The following OSCP1 variants were observed in gnomAD, a reference collection of about 807,000 sequenced individuals.
The protein encoded by OSCP1 is organic solute carrier partner 1.
OSCP1 carries 35 observed loss-of-function variants against 45.1 expected under a neutral mutation model. The observed-to-expected ratio is 0.78, with a 90% CI of 0.59 to 1.03. The LOEUF (loss-of-function observed/expected upper bound fraction) is 1.03, where lower values mean the gene tolerates loss of function less well. Among genes scored for constraint, OSCP1 ranks in the 50% least tolerant of loss-of-function variants. OSCP1 has a pLI of 0.00. For synonymous variants in OSCP1, 179 were observed against 180.1 expected (o/e 0.99, Z 0.05); for missense variants, 400 against 470.7 (o/e 0.85, Z 1.39).
chr1:36,418,850 C>A, intron 9 of OSCP1, 141 bp downstream of exon 9: 1 of 666,644 alleles, frequency 1.5e-6, no homozygotes, highest in South Asian at 2.2e-5. Context: ...ATTGCTTAAA[C>A]CTGGGAGGTG....
In OSCP1 at chr1:36,423,347, A is replaced by T; in HGVS notation, c.620+16T>A. 6.4e-7 allele frequency: 1 copy of T among 1,570,722 alleles called. No individual in the cohort carries two copies. ...TAGCACCCCAAACATAGCTCTGATCATTGTTGGGAATTCACCTGATGAGTC... is the reference window on the plus strand; with the variant it reads ...TAGCACCCCAAACATAGCTCTGATCTTTGTTGGGAATTCACCTGATGAGTC... On this transcript the variant is annotated intron_variant, in intron 5 of 9. Transcript: ENST00000235532.
chr1:36,420,398 G>A lies in OSCP1; in HGVS notation c.959+78C>T, dbSNP rs578218832. On this transcript the variant is annotated intron_variant, in intron 8 of 9. Transcript: ENST00000235532. ...TACACAAATATTTATAAGTGCCACT[G>A]GTTTGTAATAGTCATTTTGTGTTCT... is the stretch of plus-strand genomic sequence containing the variant. 19 of 1,489,552 alleles carry A rather than the reference G, an allele frequency of 1.3e-5. No individual in the cohort carries two copies. In the African/African-American group the frequency reaches 2.0e-4, roughly 15 times the overall value. The allele number at this position is 1,489,552 out of a possible 1,614,324, so 92.3% of individuals were successfully genotyped here.
chr1:36,432,225 A>G (rs2282356), intron 3 of OSCP1, among the ~76,000 whole-genome samples, 197 bp downstream of exon 3: 15,522 of 152,228 alleles, frequency 0.1, 927 homozygotes, highest in East Asian at 0.29. Context: ...TTGTGAAGGC[A>G]TCAGTAAGAG....
At chr1:36,444,027 C>T in intron 1 of OSCP1, 1 of 1,613,478 alleles carries the variant, frequency 6.2e-7, no homozygotes, top group South Asian at 1.1e-5. Flanking sequence ...CACCTCTGTC[C>T]ATTCATCTAC....
chr1:36,428,273 T>A, intron 4 of OSCP1: 8 of 1,478,544 alleles, frequency 5.4e-6, no homozygotes, highest in South Asian at 1.4e-5. Context: ...GGAAGGGAAA[T>A]ACAATAAGGC....
At chr1:36,449,604 A>AG (rs1361350948) in intron 1 of OSCP1, among the ~76,000 whole-genome samples, 7 of 151,936 alleles carry the variant, frequency 4.6e-5, no homozygotes, top group Non-Finnish European at 7.4e-5. Context: ...TGGGAGGCCG[A>AG]GGGGGGCAGA....
In OSCP1 at chr1:36,420,631, C is replaced by A; in HGVS notation, c.820-16G>T. 6.2e-7 allele frequency: 1 copy of A among 1,612,286 alleles called. No homozygotes were observed. Among genetic ancestry groups the A allele is most frequent in the East Asian group, 2.2e-5 (1 of 44,836 alleles). ...CAATGCTTTCCTGCAGAAACAGTTG[C>A]ATGATTTTTAGCCACATGAAGGCAA... On this transcript the variant is annotated splice_polypyrimidine_tract_variant and intron_variant, in intron 7 of 9. Transcript: ENST00000235532.
intron 1 of OSCP1, among the ~76,000 whole-genome samples, chr1:36,442,543 A>G (rs1649265576): frequency 1.3e-5 from 2 of 152,212 alleles, no homozygotes. Context: ...AAGTACTTCA[A>G]TTGGGCTTTT....
chr1:36,437,691 GT>G (rs1648841040), intron 2 of OSCP1, among the ~76,000 whole-genome samples: 1 of 151,998 alleles, frequency 6.6e-6, no homozygotes, highest in Admixed American at 6.6e-5. Context: ...GCTAATATTT[GT>G]AATTTTAGAA....
chr1:36,420,505 C>G lies in OSCP1; in HGVS notation c.930G>C (p.Leu310Phe). 1 of 1,614,060 alleles carries G rather than the reference C, an allele frequency of 6.2e-7. No individual in the cohort carries two copies. The highest frequency in any genetic ancestry group is 8.5e-7 in the Non-Finnish European group (1 of 1,180,016). ...CTTCTTCATCGGTGGTAAAGAGATTCAACCGGAATCCGGGCTCAGGGCCAC... is the reference window on the plus strand; with the variant it reads ...CTTCTTCATCGGTGGTAAAGAGATTGAACCGGAATCCGGGCTCAGGGCCAC... ...KPSGPEPGFR[L>F]NLFTTDEEEE... Residue 310 changes from leucine (L) to phenylalanine (F), a missense_variant, in exon 8 of 10, where the codon TTG becomes TTC. By Grantham distance (22) the Leu-to-Phe change is conservative. Transcript: ENST00000235532.
rs1302486895 is a variant in OSCP1, at chr1:36,438,929, A to G, written c.113-19T>C. On this transcript the variant is annotated intron_variant, in intron 1 of 9. Transcript: ENST00000235532. ...TTCAGAACTGCAGAGACAAGAGAGA[A>G]CACAGCTGAGCAAAGTACTGAAGCA... 6.2e-7 allele frequency: 1 copy of G among 1,611,858 alleles called. No homozygotes were observed. The highest frequency in any genetic ancestry group is 1.7e-5 in the Admixed American group (1 of 59,646).
intron 1 of OSCP1, among the ~76,000 whole-genome samples, chr1:36,449,835 CAAAAAAAAA>C (rs67376533): frequency 2.5e-4 from 5 of 20,336 alleles, no homozygotes; most frequent in South Asian, 5.1e-3. Flanking sequence ...GACCCTGTCT[CAAAAAAAAA>C]AAAAAAAAAA....
rs1381747301 is a variant in OSCP1, at chr1:36,423,423, C to T, written c.560G>A (p.Arg187His). The T allele has an allele frequency of 5.0e-6, 8 of 1,613,530 alleles. No homozygotes were observed. The highest frequency in any genetic ancestry group is 4.0e-5 in the African/African-American group (3 of 74,876). Residue 187 changes from arginine to histidine, a missense_variant, in exon 5 of 10, where the codon CGC becomes CAC. Arg to His is a conservative substitution (Grantham distance 29, BLOSUM62 0). Transcript: ENST00000235532. The stretch of plus-strand genomic sequence containing the variant: ...AGGCCCGGACACCGGCAACACAAAG[C>T]GACCGTTATTATTCTGAACTTTGTC... ...LKDKVQNNNG[R>H]FVLPVSGPVP...
intron 5 of OSCP1, 93 bp downstream of exon 5, chr1:36,423,268 CTG>C: frequency 2.0e-6 from 2 of 1,008,596 alleles, no homozygotes; most frequent in Non-Finnish European, 3.2e-6. Context: ...GCTGGGCAGA[CTG>C]TGAGTGGCTT....
chr1:36,425,734 A>G (rs75889320), intron 4 of OSCP1, among the ~76,000 whole-genome samples: 5 of 126,724 alleles, frequency 3.9e-5, no homozygotes, highest in Admixed American at 7.5e-5. Flanking sequence ...CTCTATCTGG[A>G]AAAAAAAAAA....
chr1:36,428,861 C>G (rs567756227), intron 4 of OSCP1, among the ~76,000 whole-genome samples: 23 of 152,218 alleles, frequency 1.5e-4, no homozygotes, highest in Admixed American at 4.6e-4. Context: ...AGGAGAATTG[C>G]TTGAACCCGG....
intron 1 of OSCP1, among the ~76,000 whole-genome samples, chr1:36,440,207 G>A (rs1379553566): frequency 6.6e-6 from 1 of 152,248 alleles, no homozygotes; most frequent in African/African-American, 2.4e-5. Flanking sequence ...AGGTAGAGCA[G>A]TGAAGTGATT....
At chr1:36,433,395 G>A (rs938414113) in intron 2 of OSCP1, among the ~76,000 whole-genome samples, 2 of 152,084 alleles carry the variant, frequency 1.3e-5, no homozygotes, top group African/African-American at 4.8e-5. Context: ...GAGGAGAATG[G>A]CCTGAGGACA....
rs1412800249 is a variant in OSCP1 at position 36,438,811 on chromosome 1, T to A, written c.212A>T (p.Tyr71Phe). 1 of 1,614,234 alleles carries A rather than the reference T, an allele frequency of 6.2e-7. No individual in the cohort carries two copies. Among genetic ancestry groups the A allele is most frequent in the Admixed American group, 1.7e-5 (1 of 60,022 alleles). Reference protein sequence around the residue: ...LYSKKALRTVYERLAHASIMK... With the variant: ...LYSKKALRTVFERLAHASIMK... ...AATGGAGGCATGAGCCAGGCGCTCA[T>A]AGACAGTCCTCAGGGCCTTCTTGGA... Residue 71 changes from tyrosine (Y) to phenylalanine (F), a missense_variant, in exon 2 of 10, where the codon TAT becomes TTT. Tyr to Phe is a conservative substitution (Grantham distance 22, BLOSUM62 3). Coordinates refer to ENST00000235532, the MANE Select transcript of OSCP1 (RefSeq NM_145047.5).
Sources: gnomAD v4.1 joint callset for allele counts (sites outside exome capture counted in the v4.1 genomes callset) on GRCh38, gnomAD v4.1.1 for gene constraint, MANE v1.5 for transcripts, NCBI Gene and HGNC (gene_info 2026-07-23, HGNC 2026-07-21) for gene names.